Variants in MYO16 observed in about 807,000 individuals in gnomAD.
MYO16 encodes unconventional myosin-XVI.
MYO16 carries 94 observed loss-of-function variants against 205.3 expected under a neutral mutation model. The observed-to-expected ratio is 0.46, with a 90% CI of 0.39 to 0.54. MYO16 has a LOEUF of 0.54. MYO16 is among the 20% of genes least tolerant of loss of function. The pLI is 0.00. For missense variants in MYO16, 2,315 were observed against 2,387.5 expected (o/e 0.97, Z 0.63); for synonymous variants, 988 against 954.0 (o/e 1.04, Z -0.66).
intron 27 of MYO16, among the ~76,000 whole-genome samples, chr13:109,077,345 C>T (rs1408407050): frequency 2.6e-5 from 4 of 152,060 alleles, no homozygotes; most frequent in African/African-American, 7.2e-5. Flanking sequence ...AGAGCAATTG[C>T]AGGTACATAA....
upstream of MYO16, among the ~76,000 whole-genome samples, chr13:108,594,446 C>T (rs918886215): frequency 6.6e-6 from 1 of 152,182 alleles, no homozygotes; most frequent in Non-Finnish European, 1.5e-5. Flanking sequence ...ACAATGCCTG[C>T]TTCCCTCATT....
chr13:109,047,256 T>A (rs141289812), intron 24 of MYO16, among the ~76,000 whole-genome samples: 21 of 152,228 alleles, frequency 1.4e-4, no homozygotes, highest in African/African-American at 4.8e-4. Context: ...CTTTAGTGGG[T>A]TGAATATAGA....
intron 1 of MYO16, among the ~76,000 whole-genome samples, chr13:108,596,791 A>G (rs1878579846): frequency 6.6e-6 from 1 of 152,218 alleles, no homozygotes; most frequent in African/African-American, 2.4e-5. Context: ...AAAACAGTGT[A>G]TCTAGGTTGT....
At chr13:108,765,597 A>C (rs760428197) in intron 4 of MYO16, among the ~76,000 whole-genome samples, 35 of 152,192 alleles carry the variant, frequency 2.3e-4, no homozygotes, top group Admixed American at 5.9e-4. Context: ...TTCTGTCTGC[A>C]GTATGGAGGA....
intron 34 of MYO16, among the ~76,000 whole-genome samples, chr13:109,204,916 C>A (rs1349507161): frequency 6.6e-6 from 1 of 152,148 alleles, no homozygotes; most frequent in East Asian, 1.9e-4. Flanking sequence ...CACTAAATAA[C>A]CTGATTTCAT....
chr13:108,909,837 T>G (rs1379664878), intron 15 of MYO16, among the ~76,000 whole-genome samples, 166 bp from the exon 16 acceptor site: 1 of 152,144 alleles, frequency 6.6e-6, no homozygotes, highest in Non-Finnish European at 1.5e-5. Context: ...AGCATCGTAT[T>G]GAAAGTCCTA....
intron 27 of MYO16, among the ~76,000 whole-genome samples, chr13:109,074,290 G>C (rs910718105): frequency 1.3e-5 from 2 of 152,092 alleles, no homozygotes; most frequent in African/African-American, 4.8e-5. Context: ...CTCATCCCCA[G>C]ACAAGCATTG....
Position 108,975,751 on chromosome 13 carries a change from A to G in MYO16, c.2369+10849A>G, listed in dbSNP as rs373671607. 2.6e-5 allele frequency among the ~76,000 whole-genome samples: 4 copies of G among 152,286 alleles called. No individual in the cohort carries two copies. In the East Asian group the frequency reaches 5.8e-4, roughly 22 times the overall value. ...AGGTGGTTGGGAAATATTTTAATGAAAAAAAGCAGCATGATTTTTTAGAAT... is the reference window on the plus strand; with the variant it reads ...AGGTGGTTGGGAAATATTTTAATGAGAAAAAGCAGCATGATTTTTTAGAAT... On this transcript the variant is annotated intron_variant, in intron 20 of 34. Coordinates refer to ENST00000457511, the MANE Select transcript of MYO16 (RefSeq NM_001198950.3).
chr13:109,023,121 CAAT>C (rs949550267), intron 23 of MYO16, among the ~76,000 whole-genome samples: 4 of 128,826 alleles, frequency 3.1e-5, no homozygotes, highest in Non-Finnish European at 6.2e-5. Context: ...ATACATATAA[CAAT>C]ATATAAATTT....
chr13:108,578,608 C>T, the MYO16 span, among the ~76,000 whole-genome samples: 4 of 152,180 alleles, frequency 2.6e-5, no homozygotes, highest in South Asian at 6.2e-4. Flanking sequence ...CCAGGGGTCC[C>T]ACTCTTCCCT....
chr13:108,915,032 A>G (rs7992987), intron 16 of MYO16, among the ~76,000 whole-genome samples: 32,460 of 152,186 alleles, frequency 0.21, 4,114 homozygotes, highest in East Asian at 0.67. Context: ...TATCACATGA[A>G]AATTTATGGA....
At chr13:109,194,596 A>T (rs189863042) in intron 34 of MYO16, among the ~76,000 whole-genome samples, 191 of 152,342 alleles carry the variant, frequency 1.3e-3, no homozygotes, top group African/African-American at 4.3e-3. Context: ...CGTACAAACC[A>T]GGATGACTGT....
the MYO16 span, among the ~76,000 whole-genome samples, chr13:108,559,420 C>A: frequency 1.1e-4 from 17 of 150,268 alleles, no homozygotes; most frequent in African/African-American, 3.7e-4. Flanking sequence ...TACATTTCTG[C>A]GTTTTAAGCG....
At chr13:108,711,491 A>C (rs1883722193) in intron 2 of MYO16, among the ~76,000 whole-genome samples, 1 of 152,230 alleles carries the variant, frequency 6.6e-6, no homozygotes, top group Non-Finnish European at 1.5e-5. Flanking sequence ...TGCACGGGGC[A>C]GGGCAGGCTG....
At chr13:108,727,671 A>G in intron 4 of MYO16, 88 bp downstream of exon 4, 1 of 1,456,008 alleles carries the variant, frequency 6.9e-7, no homozygotes, top group Non-Finnish European at 9.2e-7. Flanking sequence ...ACAATATGTA[A>G]TATTTTGGTT....
intron 6 of MYO16, 59 bp downstream of exon 6, chr13:108,793,699 A>C: frequency 6.7e-7 from 1 of 1,497,990 alleles, no homozygotes; most frequent in Non-Finnish European, 9.1e-7. Context: ...TTGATCTATA[A>C]AACATAGAAT....
At chr13:109,149,648 G>A (rs913078419) in intron 32 of MYO16, among the ~76,000 whole-genome samples, 3 of 152,156 alleles carry the variant, frequency 2.0e-5, no homozygotes, top group African/African-American at 4.8e-5. Context: ...AGATAAAACT[G>A]TTTTGCCCAT....
rs116055877 is a variant in MYO16 at position 109,111,117 on chromosome 13, A to T, written c.3439-9253A>T. Among the ~76,000 whole-genome samples the T allele has an allele frequency of 5.2e-3, 785 of 152,334 alleles. 6 individuals carry two copies. The highest frequency in any genetic ancestry group is 0.018 in the African/African-American group (758 of 41,584). Reference sequence around the variant, plus strand: ...CAACTGAGTGTTATGAGAAAATGATATTGATCCAGGAATGAATTATAGGTA... The same window carrying T: ...CAACTGAGTGTTATGAGAAAATGATTTTGATCCAGGAATGAATTATAGGTA... On this transcript the variant is annotated intron_variant, in intron 28 of 34. Coordinates refer to ENST00000457511, the MANE Select transcript of MYO16 (RefSeq NM_001198950.3).
At chr13:108,844,322 T>C (rs773260507) in intron 9 of MYO16, 21 bp from the exon 10 acceptor site, 1 of 1,597,662 alleles carries the variant, frequency 6.3e-7, no homozygotes, top group South Asian at 1.1e-5. Context: ...CTAATTGTAG[T>C]ATTGATTTTT....
Sources: allele counts gnomAD v4.1 joint callset (sites outside exome capture counted in the v4.1 genomes callset), GRCh38; gene constraint gnomAD v4.1.1; transcripts MANE v1.5; gene names NCBI Gene and HGNC (gene_info 2026-07-23, HGNC 2026-07-21).